Variants in RBFOX1 observed in about 807,000 individuals in gnomAD.
RBFOX1 encodes RNA binding protein fox-1 homolog 1.
In RBFOX1, 8 loss-of-function variants were observed where a neutral mutation model predicts 57.7. That is an observed-to-expected ratio of 0.14 (90% CI 0.08 to 0.25). RBFOX1 has a LOEUF of 0.25. Among genes scored for constraint, RBFOX1 ranks in the 10% least tolerant of loss-of-function variants. RBFOX1 has a pLI of 1.00. For missense variants in RBFOX1, 611 were observed against 548.5 expected (o/e 1.11, Z -1.14); for synonymous variants, 326 against 222.4 (o/e 1.47, Z -4.15).
intron 1 of RBFOX1, among the ~76,000 whole-genome samples, chr16:5,266,503 ATGT>A (rs2062861789): frequency 6.6e-6 from 1 of 150,456 alleles, no homozygotes; most frequent in Admixed American, 6.6e-5. Context: ...AGGGGCTGTA[ATGT>A]TCTGTTTCTT....
At chr16:6,084,393 AC>A (rs1402151459) in intron 1 of RBFOX1, among the ~76,000 whole-genome samples, 1 of 151,908 alleles carries the variant, frequency 6.6e-6, no homozygotes, top group African/African-American at 2.4e-5. Context: ...ATAGCTATGA[AC>A]AAACACGTCC....
intron 2 of RBFOX1, among the ~76,000 whole-genome samples, chr16:6,497,566 A>ATTTTTT (rs766779443): frequency 7.1e-6 from 1 of 140,424 alleles, no homozygotes; most frequent in African/African-American, 3.0e-5. Context: ...GTTTTTAAAA[A>ATTTTTT]AAAAAAAAAA....
chr16:5,622,399 C>G (rs146384943), intron 3 of RBFOX1, among the ~76,000 whole-genome samples: 21 of 152,338 alleles, frequency 1.4e-4, no homozygotes, highest in African/African-American at 3.4e-4. Context: ...GTCTTGTGCA[C>G]TGCCCTCTAC....
At chr16:6,946,521 T>A (rs2079555130) in intron 3 of RBFOX1, among the ~76,000 whole-genome samples, 1 of 152,204 alleles carries the variant, frequency 6.6e-6, no homozygotes, top group African/African-American at 2.4e-5. Flanking sequence ...CTCCCATCCC[T>A]ACTGTGTTTT....
chr16:5,432,559 G>GTTTTTTTTTTTTTTTTTTGTTTTTTT (rs35344614), intron 1 of RBFOX1, among the ~76,000 whole-genome samples: 1 of 94,222 alleles, frequency 1.1e-5, no homozygotes, highest in African/African-American at 4.0e-5. Flanking sequence ...TTGTTTGTTT[G>GTTTTTTTTTTTTTTTTTTGTTTTTTT]TTTTTTTTTT....
At chr16:6,199,730 A>T (rs2097203118) in intron 1 of RBFOX1, among the ~76,000 whole-genome samples, 1 of 152,200 alleles carries the variant, frequency 6.6e-6, no homozygotes, top group Non-Finnish European at 1.5e-5. Context: ...TTTATCTGTG[A>T]AAACCAGTAA....
chr16:6,350,444 G>GAAAAAAAAAAAAAAAACAAAAAAAAAA (rs2086131829), intron 2 of RBFOX1, among the ~76,000 whole-genome samples: 1 of 74,618 alleles, frequency 1.3e-5, no homozygotes, highest in Non-Finnish European at 2.4e-5. Flanking sequence ...TCTGTCTCAA[G>GAAAAAAAAAAAAAAAACAAAAAAAAAA]AAAAAAAAAA....
intron 3 of RBFOX1, among the ~76,000 whole-genome samples, chr16:6,896,039 G>A (rs1011361771): frequency 1.3e-5 from 2 of 152,234 alleles, no homozygotes; most frequent in Middle Eastern, 3.4e-3. Context: ...TTGGGAGGCC[G>A]AGGTGGGCAG....
chr16:5,429,848 C>T (rs573160923), intron 1 of RBFOX1, among the ~76,000 whole-genome samples: 12 of 152,284 alleles, frequency 7.9e-5, no homozygotes, highest in African/African-American at 2.4e-4. Context: ...CTAGGGGCTC[C>T]GGCTGTGTCA....
At chr16:6,806,794 T>TTATATATATAAATAAATATATAAATATA (rs2086874077) in intron 3 of RBFOX1, among the ~76,000 whole-genome samples, 2 of 114,666 alleles carry the variant, frequency 1.7e-5, no homozygotes, top group African/African-American at 6.9e-5. Context: ...TCCTTTTCAT[T>TTATATATATAAATAAATATATAAATATA]TATATATATA....
chr16:7,462,020 G>A (rs1408646146), intron 4 of RBFOX1, among the ~76,000 whole-genome samples: 1 of 152,100 alleles, frequency 6.6e-6, no homozygotes, highest in African/African-American at 2.4e-5. Context: ...CTCTCCTTAC[G>A]TGCCTGAGGA....
At chr16:5,286,141 C>T (rs866770093) in intron 1 of RBFOX1, among the ~76,000 whole-genome samples, 10 of 152,122 alleles carry the variant, frequency 6.6e-5, no homozygotes, top group East Asian at 5.8e-4. Flanking sequence ...TCTTGTCCTT[C>T]GGCATCATTG....
chr16:6,543,746 G>T (rs1237553317), intron 2 of RBFOX1, among the ~76,000 whole-genome samples: 1 of 152,020 alleles, frequency 6.6e-6, no homozygotes, highest in African/African-American at 2.4e-5. Flanking sequence ...TCTTAGAAGG[G>T]TTAGAATCTC....
At chr16:7,180,357 C>T (rs1452696297) in intron 4 of RBFOX1, among the ~76,000 whole-genome samples, 3 of 152,016 alleles carry the variant, frequency 2.0e-5, no homozygotes, top group Non-Finnish European at 4.4e-5. Flanking sequence ...TTACAGATAC[C>T]ACACACAAGA....
intron 2 of RBFOX1, among the ~76,000 whole-genome samples, chr16:6,498,794 A>G (rs2095842699): frequency 6.6e-6 from 1 of 152,200 alleles, no homozygotes; most frequent in Admixed American, 6.5e-5. Context: ...TTGAGGAAAG[A>G]TAGTGTTATT....
intron 1 of RBFOX1, among the ~76,000 whole-genome samples, chr16:5,421,897 C>G (rs2067339928): frequency 6.6e-6 from 1 of 152,108 alleles, no homozygotes; most frequent in African/African-American, 2.4e-5. Context: ...GACATGAAAA[C>G]CCAAACTCAA....
At chr16:6,681,297 G>T (rs1028350135) in intron 3 of RBFOX1, among the ~76,000 whole-genome samples, 1 of 152,024 alleles carries the variant, frequency 6.6e-6, no homozygotes, top group Admixed American at 6.5e-5. Flanking sequence ...CAGTTTAGGT[G>T]ACAGAGCAAG....
chr16:6,417,412 CTTTTT>C (rs35363634), intron 2 of RBFOX1, among the ~76,000 whole-genome samples: 2 of 116,154 alleles, frequency 1.7e-5, no homozygotes, highest in Non-Finnish European at 3.4e-5. Context: ...AATGTGTTTA[CTTTTT>C]TTTTTTTTTT....
chr16:6,325,774 A>G (rs777222575), intron 2 of RBFOX1, among the ~76,000 whole-genome samples: 8 of 152,218 alleles, frequency 5.3e-5, no homozygotes, highest in Non-Finnish European at 1.0e-4. Context: ...CTCCAAAGCA[A>G]AAAAACACAA....
Sources: gnomAD v4.1 joint callset for allele counts (sites outside exome capture counted in the v4.1 genomes callset) on GRCh38, gnomAD v4.1.1 for gene constraint, MANE v1.5 for transcripts, NCBI Gene and HGNC (gene_info 2026-07-23, HGNC 2026-07-21) for gene names.